The following CHIT1 variants were observed in gnomAD, a reference collection of about 807,000 sequenced individuals.
CHIT1 encodes the protein chitotriosidase-1.
CHIT1 carries 47 observed loss-of-function variants against 52.0 expected under a neutral mutation model. The ratio of observed to expected loss-of-function variants is 0.90; its 90% CI spans 0.71 to 1.15. The LOEUF (loss-of-function observed/expected upper bound fraction) is 1.15. Ranked by LOEUF, CHIT1 falls within the 50% of genes most tolerant of loss-of-function variation. The pLI, the probability that CHIT1 is intolerant of heterozygous loss-of-function variation, is 0.00. For synonymous variants in CHIT1, 242 were observed against 228.2 expected (o/e 1.06, Z -0.54); for missense variants, 569 against 583.0 (o/e 0.98, Z 0.25).
In CHIT1 at chr1:203,223,473, TCCCCG is replaced by T. The variant is rs1558161516; in HGVS notation, c.480+17_480+21del. 1 of 1,613,332 alleles carries T rather than the reference TCCCCG, an allele frequency of 6.2e-7. No individual in the cohort carries two copies. Among genetic ancestry groups the T allele is most frequent in the Admixed American group, 1.7e-5 (1 of 60,010 alleles). Reference sequence around the variant, plus strand: ...TCTGGGTCCCTGCACAGACTGGTGATCCCCGCCCCGCCCAGCCATACCTGTACCAG... The same window carrying T: ...TCTGGGTCCCTGCACAGACTGGTGATCCCCGCCCAGCCATACCTGTACCAG... On this transcript the variant is annotated intron_variant, in intron 5 of 10. Coordinates refer to ENST00000367229, the MANE Select transcript of CHIT1 (RefSeq NM_003465.3).
Position 203,217,611 on chromosome 1 carries a change from G to A in CHIT1, c.1156+128C>T, listed in dbSNP as rs557317282. ...AGCTCCTGCGGGTACATGAAGCTTG[G>A]GAAATTACAGTATTGGGGCAAAGTC... On this transcript the variant is annotated intron_variant, in intron 10 of 10. Transcript: ENST00000367229. The A allele has an allele frequency of 2.7e-5, 39 of 1,468,640 alleles. 2 individuals are homozygous for A. In the African/African-American group the frequency reaches 5.0e-4, roughly 19 times the overall value. 91.0% of individuals were successfully genotyped at this position (1,468,640 alleles called of 1,614,324 possible).
At position 203,219,815 on chromosome 1, in the gene CHIT1, G is replaced by C. The variant is rs61745299; in HGVS notation, c.764C>G (p.Thr255Ser). 4.1e-3 allele frequency: 6,574 copies of C among 1,612,432 alleles called. 146 individuals are homozygous for C. In the East Asian group the frequency reaches 0.052, roughly 13 times the overall value. Residue 255 changes from threonine to serine, a missense_variant, in exon 8 of 11, where the codon ACC (threonine) becomes AGC (serine). Thr to Ser is a moderately conservative substitution (Grantham distance 58). Transcript: ENST00000367229. ...AAVQQWLQKG[T>S]PASKLILGMP... ...GCCAAGGATCAGCTTGCTGGCAGGGGTCCCCTTCTGCAGCCACTGTTGCAC... is the reference window on the plus strand; with the variant it reads ...GCCAAGGATCAGCTTGCTGGCAGGGCTCCCCTTCTGCAGCCACTGTTGCAC...
chr1:203,225,861 G>A lies in CHIT1; in HGVS notation c.65C>T (p.Ala22Val), dbSNP rs540741221. Residue 22 changes from alanine to valine, a missense_variant, in exon 3 of 11, where the codon GCA becomes GTA. Physicochemically the swap from Ala to Val is moderately conservative, Grantham distance 64 (BLOSUM62 0). Coordinates refer to ENST00000367229, the MANE Select transcript of CHIT1 (RefSeq NM_003465.3). ...VLLMIPWGSA[A>V]KLVCYFTNWA... Reference sequence around the variant, plus strand: ...GTTGGTGAAGTAGCAGACCAGTTTTGCAGCAGAGCCTGGCCCGTTGGAGTA... The same window carrying A: ...GTTGGTGAAGTAGCAGACCAGTTTTACAGCAGAGCCTGGCCCGTTGGAGTA... The A allele has an allele frequency of 2.8e-5, 46 of 1,614,042 alleles. No homozygotes were observed. The South Asian group carries it at 4.7e-4, about 17-fold the overall frequency.
intron 4 of CHIT1, among the ~76,000 whole-genome samples, chr1:203,223,962 G>T (rs1281480079): frequency 6.6e-6 from 1 of 152,106 alleles, no homozygotes; most frequent in South Asian, 2.1e-4. Flanking sequence ...CCCTTGAATT[G>T]TCCCACCCCA....
At position 203,223,582 on chromosome 1, in the gene CHIT1, G is replaced by T. The variant is rs771709551; in HGVS notation, c.393C>A (p.Ser131Arg). 2 of 1,614,100 alleles carry T rather than the reference G, an allele frequency of 1.2e-6. No individual in the cohort carries two copies. The highest frequency in any genetic ancestry group is 3.3e-5 in the Admixed American group (2 of 60,014). Residue 131 changes from serine (S) to arginine (R), a missense_variant, in exon 5 of 11, where the codon AGC (serine) becomes AGA (arginine). Coordinates refer to ENST00000367229, the MANE Select transcript of CHIT1 (RefSeq NM_003465.3). ...CCCAGTCAAGGTCAAGGCCGTCAAA[G>T]CTGTATTTGCGCAGAAACCTGATGG... ...NSAIRFLRKY[S>R]FDGLDLDWEY... is the part of the protein sequence containing the mutation.
chr1:203,223,692 C>G (rs10920586), intron 4 of CHIT1, 32 bp from the exon 5 acceptor site: 1 of 1,612,716 alleles, frequency 6.2e-7, no homozygotes. Context: ...TAAGGGCCGG[C>G]CTTGGACCAG....
chr1:203,219,283 T>C lies in CHIT1; in HGVS notation c.962A>G (p.Lys321Arg). ...GTTGTCCCGGAAGATGTAGGGCACC[T>C]TCTGATCCTGGATTCTCTGTTTGGT... The part of the protein sequence containing the change: ...GATKQRIQDQ[K>R]VPYIFRDNQW... Residue 321 changes from lysine (K) to arginine (R), a missense_variant, in exon 9 of 11, where the codon AAG (lysine) becomes AGG (arginine). By Grantham distance (26) the Lys-to-Arg change is conservative. Transcript: ENST00000367229. The C allele has an allele frequency of 6.2e-7, 1 of 1,613,172 alleles. No individual in the cohort carries two copies. The highest frequency in any genetic ancestry group is 1.1e-5 in the South Asian group (1 of 91,076).
chr1:203,222,777 A>G (rs1264714451), intron 6 of CHIT1, among the ~76,000 whole-genome samples: 1 of 152,084 alleles, frequency 6.6e-6, no homozygotes, highest in East Asian at 1.9e-4. Flanking sequence ...GCGAGTCCAC[A>G]TGCTGTACTT....
intron 8 of CHIT1, 148 bp from the exon 9 acceptor site, chr1:203,219,477 C>G: frequency 3.4e-6 from 3 of 884,836 alleles, no homozygotes; most frequent in Non-Finnish European, 5.6e-6. Flanking sequence ...ACCTAGAATT[C>G]TGGACTCAGC....
intron 1 of CHIT1, among the ~76,000 whole-genome samples, 180 bp from the exon 2 acceptor site, chr1:203,228,742 C>T (rs747011448): frequency 2.6e-5 from 4 of 152,098 alleles, no homozygotes; most frequent in South Asian, 2.1e-4. Flanking sequence ...GACCAGACCA[C>T]GGGGGTCTCT....
intron 2 of CHIT1, among the ~76,000 whole-genome samples, chr1:203,228,104 A>G (rs1408961396): frequency 6.6e-6 from 1 of 152,200 alleles, no homozygotes; most frequent in Non-Finnish European, 1.5e-5. Flanking sequence ...TCGCAGAGCT[A>G]AGGGGCTGGG....
At chr1:203,223,834 C>G (rs1040692971) in intron 4 of CHIT1, among the ~76,000 whole-genome samples, 174 bp from the exon 5 acceptor site, 1 of 151,992 alleles carries the variant, frequency 6.6e-6, no homozygotes, top group Non-Finnish European at 1.5e-5. Context: ...AGTTATGGTC[C>G]GGGTTGAGGA....
At chr1:203,221,576 A>T (rs927705465) in intron 7 of CHIT1, among the ~76,000 whole-genome samples, 1 of 152,198 alleles carries the variant, frequency 6.6e-6, no homozygotes, top group African/African-American at 2.4e-5. Context: ...AGCTATGATC[A>T]TGCCACTGCA....
chr1:203,222,628 A>G (rs1656780183), intron 6 of CHIT1, among the ~76,000 whole-genome samples: 1 of 151,792 alleles, frequency 6.6e-6, no homozygotes, highest in Non-Finnish European at 1.5e-5. Context: ...TCTGGAGGGA[A>G]CTCTAGCTTA....
Position 203,217,126 on chromosome 1 carries a change from T to A in CHIT1, c.1164A>T (p.Pro388=). ...GCTCTGGGGTGCCTGAAGGCAAGTA[T>A]GGAAGACCTGGGAAGACAGTGAAGA... is the stretch of plus-strand genomic sequence containing the variant. ...IQTLRQELSL[P]YLPSGTPELE... Residue 388 remains proline (P), a synonymous_variant, in exon 11 of 11, where the codon CCA becomes CCT. Coordinates refer to ENST00000367229, the MANE Select transcript of CHIT1 (RefSeq NM_003465.3). 1 of 1,604,896 alleles carries A rather than the reference T, an allele frequency of 6.2e-7. No individual in the cohort carries two copies. Among genetic ancestry groups the A allele is most frequent in the Non-Finnish European group, 8.5e-7 (1 of 1,179,940 alleles).
chr1:203,225,238 A>C (rs183044645), intron 3 of CHIT1, 134 bp from the exon 4 acceptor site: 2 of 787,724 alleles, frequency 2.5e-6, no homozygotes, highest in Non-Finnish European at 4.4e-6. Flanking sequence ...TGTATTAGGC[A>C]TTCTGGGGAC....
At position 203,216,706 on chromosome 1, in the gene CHIT1, A is replaced by G. The variant is rs1329526561; in HGVS notation, c.*183T>C. The G allele has an allele frequency of 5.2e-6, 4 of 771,876 alleles. No individual in the cohort carries two copies. In the East Asian group the frequency reaches 8.1e-5, roughly 16 times the overall value. The allele number at this position is 771,876 out of a possible 1,614,324, so 47.8% of individuals were successfully genotyped here. ...ACCAAAGATTTATTTTGCAAGTGAAAGGGGCAGCCCAGGAGACCCAGAAAA... is the reference window on the plus strand; with the variant it reads ...ACCAAAGATTTATTTTGCAAGTGAAGGGGGCAGCCCAGGAGACCCAGAAAA... On this transcript the variant is annotated 3_prime_UTR_variant, in exon 11 of 11. Coordinates refer to ENST00000367229, the MANE Select transcript of CHIT1 (RefSeq NM_003465.3).
upstream of CHIT1, chr1:203,229,880 CCAAA>C: frequency 1.7e-6 from 1 of 581,044 alleles, no homozygotes; most frequent in Non-Finnish European, 3.2e-6. Context: ...CTTAGTGTTG[CCAAA>C]CAGAGGAAAG....
At chr1:203,218,759 C>T (rs1656628145) in intron 9 of CHIT1, among the ~76,000 whole-genome samples, 1 of 152,088 alleles carries the variant, frequency 6.6e-6, no homozygotes, top group South Asian at 2.1e-4. Context: ...TACAGATAAA[C>T]TAGTGAAGCA....
Sources: gnomAD v4.1 joint callset for allele counts (sites outside exome capture counted in the v4.1 genomes callset) on GRCh38, gnomAD v4.1.1 for gene constraint, MANE v1.5 for transcripts, NCBI Gene and HGNC (gene_info 2026-07-23, HGNC 2026-07-21) for gene names.